COG6: variants seen among roughly 807,000 people sequenced by gnomAD.
COG6 encodes the protein component of oligomeric golgi complex 6, also known as conserved oligomeric Golgi complex subunit 6.
A neutral mutation model predicts 88.8 loss-of-function variants in COG6; 74 were observed. The observed-to-expected ratio is 0.83, with a 90% CI of 0.69 to 1.01. The LOEUF (loss-of-function observed/expected upper bound fraction) is 1.01. COG6 is among the 50% of genes least tolerant of loss of function. The pLI is 0.00. For synonymous variants in COG6, 286 were observed against 278.7 expected (o/e 1.03, Z -0.26); for missense variants, 800 against 797.9 (o/e 1.00, Z -0.03).
intron 18 of COG6, among the ~76,000 whole-genome samples, chr13:39,766,482 C>CATCAAGATG (rs1327673247): frequency 6.6e-6 from 1 of 152,128 alleles, no homozygotes; most frequent in Non-Finnish European, 1.5e-5. Flanking sequence ...CTCCAAATTT[C>CATCAAGATG]ATCAAGATGA....
Position 39,682,152 on chromosome 13 carries a change from A to C in COG6, c.695-19A>C, listed in dbSNP as rs1876350496. 6.5e-7 allele frequency: 1 copy of C among 1,531,006 alleles called. No individual in the cohort carries two copies. The highest frequency in any genetic ancestry group is 1.7e-5 in the Admixed American group (1 of 59,858). The allele number at this position is 1,531,006 out of a possible 1,614,324, so 94.8% of individuals were successfully genotyped here. Reference sequence around the variant, plus strand: ...CTAAGCTGAATTTAACAAAAGTTATAATGTTAATTATTTTTCAGGTGAATG... The same window carrying C: ...CTAAGCTGAATTTAACAAAAGTTATCATGTTAATTATTTTTCAGGTGAATG... On this transcript the variant is annotated intron_variant, in intron 7 of 18. Transcript: ENST00000455146.
intron 4 of COG6, among the ~76,000 whole-genome samples, chr13:39,667,562 G>T (rs1875352201): frequency 6.6e-6 from 1 of 152,108 alleles, no homozygotes; most frequent in African/African-American, 2.4e-5. Context: ...TGACCTATAA[G>T]TCAGTTTTCT....
In COG6 at chr13:39,655,843, G is replaced by T; in HGVS notation, c.117G>T (p.Leu39=). The T allele has an allele frequency of 6.2e-7, 1 of 1,606,306 alleles. No homozygotes were observed. The highest frequency in any genetic ancestry group is 8.5e-7 in the Non-Finnish European group (1 of 1,177,218). Residue 39 remains leucine, a synonymous_variant, in exon 1 of 19, where the codon CTG becomes CTT. Coordinates refer to ENST00000455146, the MANE Select transcript of COG6 (RefSeq NM_020751.3). ...CCTGCAACCCGCTGTCGCGCAAGCT[G>T]CATAAGATCCTGGAGACGCGGCTGG... is the stretch of plus-strand genomic sequence containing the variant. ...ATTCNPLSRK[L]HKILETRLDN...
chr13:39,781,586 C>T lies in COG6; in HGVS notation c.1827-6749C>T, dbSNP rs1320833580. 6.6e-5 allele frequency among the ~76,000 whole-genome samples: 10 copies of T among 152,144 alleles called. No individual in the cohort carries two copies. The East Asian group carries it at 7.7e-4, about 12-fold the overall frequency. ...CAGGCTTTCATTGCATGAAGAGCCACAGCAAAGAGTTTTGGGCCACTTTCT... is the reference window on the plus strand; with the variant it reads ...CAGGCTTTCATTGCATGAAGAGCCATAGCAAAGAGTTTTGGGCCACTTTCT... On this transcript the variant is annotated intron_variant, in intron 18 of 18. Coordinates refer to the COG6 transcript ENST00000416691.
chr13:39,758,255 C>T (rs1050641509), intron 18 of COG6, among the ~76,000 whole-genome samples: 6 of 148,446 alleles, frequency 4.0e-5, no homozygotes, highest in South Asian at 2.1e-4. Flanking sequence ...ACGAGCTGGA[C>T]GCGGTGGCTC....
At chr13:39,755,224 G>A (rs1880793981), downstream of COG6, among the ~76,000 whole-genome samples, 1 of 152,122 alleles carries the variant, frequency 6.6e-6, no homozygotes, top group Non-Finnish European at 1.5e-5. Flanking sequence ...ATAACAGCAA[G>A]CATTTTGGTG....
intron 18 of COG6, among the ~76,000 whole-genome samples, chr13:39,767,730 G>T (rs893400407): frequency 1.2e-4 from 19 of 152,286 alleles, no homozygotes; most frequent in African/African-American, 4.6e-4. Context: ...CACCCCTGCA[G>T]TCATGTTCCT....
chr13:39,751,178 A>T lies in COG6; in HGVS notation c.*85A>T. Reference sequence around the variant, plus strand: ...TTATTCTTTGAATTTTTACTCTATAATTTGATAGTTACAGTTTTCTTTGTA... The same window carrying T: ...TTATTCTTTGAATTTTTACTCTATATTTTGATAGTTACAGTTTTCTTTGTA... On this transcript the variant is annotated 3_prime_UTR_variant, in exon 19 of 19. Coordinates refer to ENST00000455146, the MANE Select transcript of COG6 (RefSeq NM_020751.3). The T allele has an allele frequency of 2.6e-6, 4 of 1,555,770 alleles. No homozygotes were observed. Among genetic ancestry groups the T allele is most frequent in the Non-Finnish European group, 3.5e-6 (4 of 1,149,614 alleles).
chr13:39,715,625 A>G (rs1478330149), intron 13 of COG6, among the ~76,000 whole-genome samples: 1 of 152,106 alleles, frequency 6.6e-6, no homozygotes, highest in African/African-American at 2.4e-5. Flanking sequence ...ATGCATGCAC[A>G]TATATGGAAT....
chr13:39,737,955 C>T (rs555791972), intron 18 of COG6, among the ~76,000 whole-genome samples: 7 of 152,104 alleles, frequency 4.6e-5, no homozygotes, highest in Non-Finnish European at 8.8e-5. Context: ...TCCAGTGCTA[C>T]GTCCCACAAT....
intron 13 of COG6, among the ~76,000 whole-genome samples, chr13:39,701,717 CCT>C (rs1464213474): frequency 6.6e-6 from 1 of 151,742 alleles, no homozygotes; most frequent in Non-Finnish European, 1.5e-5. Flanking sequence ...CAATTTTAGT[CCT>C]GTGGTGGAGA....
Position 39,778,454 on chromosome 13 carries a change from A to G in COG6, c.1827-9881A>G, listed in dbSNP as rs929205305. 4.6e-5 allele frequency among the ~76,000 whole-genome samples: 7 copies of G among 152,238 alleles called. 1 individual carries two copies. Among genetic ancestry groups the G allele is most frequent in the Admixed American group, 2.0e-4 (3 of 15,282 alleles). On this transcript the variant is annotated intron_variant, in intron 18 of 18. Coordinates refer to the COG6 transcript ENST00000416691. ...CATCAGAATTTGCTGCAGCTTAGAT[A>G]AAACATTTACTGAACATGTATTGCC... is the stretch of plus-strand genomic sequence containing the variant.
At chr13:39,746,693 A>G (rs920731607) in intron 18 of COG6, among the ~76,000 whole-genome samples, 3 of 152,236 alleles carry the variant, frequency 2.0e-5, no homozygotes, top group Non-Finnish European at 4.4e-5. Context: ...CAGGCAGACA[A>G]TATAGACAGA....
intron 18 of COG6, among the ~76,000 whole-genome samples, chr13:39,758,218 C>CAAAAA (rs34210362): frequency 3.6e-5 from 2 of 55,790 alleles, no homozygotes; most frequent in Admixed American, 2.1e-4. Flanking sequence ...GATGCCTTCT[C>CAAAAA]AAAAAAAAAA....
chr13:39,777,273 G>C (rs1266724050), intron 18 of COG6, among the ~76,000 whole-genome samples: 1 of 152,128 alleles, frequency 6.6e-6, no homozygotes, highest in Non-Finnish European at 1.5e-5. Context: ...AGCACAGAGG[G>C]GGGTGTCCAC....
At chr13:39,772,286 G>C (rs533183359) in intron 18 of COG6, among the ~76,000 whole-genome samples, 5 of 152,050 alleles carry the variant, frequency 3.3e-5, no homozygotes, top group Non-Finnish European at 7.4e-5. Flanking sequence ...TCCTACCTCT[G>C]AGCCTCCAGA....
chr13:39,710,982 T>C (rs1878208545), intron 13 of COG6, among the ~76,000 whole-genome samples: 1 of 152,116 alleles, frequency 6.6e-6, no homozygotes, highest in African/African-American at 2.4e-5. Flanking sequence ...AAGATTACAT[T>C]GGAGCCCATG....
intron 12 of COG6, among the ~76,000 whole-genome samples, chr13:39,697,998 T>C (rs1450044855): frequency 1.3e-5 from 2 of 151,944 alleles, no homozygotes; most frequent in East Asian, 3.9e-4. Flanking sequence ...TTGTAGATAA[T>C]ACCTAAAACT....
rs1014820662 is a variant in COG6 at position 39,662,872 on chromosome 13, A to C, written c.369+1991A>C. Among the ~76,000 whole-genome samples the C allele has an allele frequency of 6.6e-5, 10 of 152,180 alleles. No individual in the cohort carries two copies. The East Asian group carries it at 1.9e-3, about 29-fold the overall frequency. ...CATAATATCAACTCTAATGTTTTTA[A>C]GTTATTCATAAAGAAAAGTGTTTCT... On this transcript the variant is annotated intron_variant, in intron 3 of 18. Transcript: ENST00000455146.
Sources: gnomAD v4.1 joint callset for allele counts (sites outside exome capture counted in the v4.1 genomes callset) on GRCh38, gnomAD v4.1.1 for gene constraint, MANE v1.5 for transcripts, NCBI Gene and HGNC (gene_info 2026-07-23, HGNC 2026-07-21) for gene names.